The following PLXNA4 variants were observed in gnomAD, a reference collection of about 807,000 sequenced individuals.
PLXNA4 encodes the protein plexin-A4.
Under a neutral mutation model 191.8 loss-of-function variants are expected in PLXNA4, and 44 were observed. The ratio of observed to expected loss-of-function variants is 0.23; its 90% CI spans 0.18 to 0.29. The LOEUF (loss-of-function observed/expected upper bound fraction) is 0.29. Among genes scored for constraint, PLXNA4 ranks in the 10% least tolerant of loss-of-function variants. PLXNA4 has a pLI of 1.00. For missense variants in PLXNA4, 1,800 were observed against 2,488.8 expected (o/e 0.72, Z 5.89); for synonymous variants, 1,082 against 1,009.5 (o/e 1.07, Z -1.36).
intron 3 of PLXNA4, among the ~76,000 whole-genome samples, chr7:132,454,222 C>T (rs1390884244): frequency 1.3e-5 from 2 of 152,180 alleles, no homozygotes; most frequent in Admixed American, 1.3e-4. Context: ...CACAACAGCC[C>T]CATCGTATAG....
intron 24 of PLXNA4, among the ~76,000 whole-genome samples, chr7:132,161,002 G>A (rs139106356): frequency 9.2e-5 from 14 of 152,266 alleles, no homozygotes; most frequent in East Asian, 7.7e-4. Context: ...ATGGTGGAGA[G>A]ACTGCTGCCT....
chr7:132,605,230 C>T lies in PLXNA4; in HGVS notation c.-87+40698G>A, dbSNP rs545652340. On this transcript the variant is annotated intron_variant, in intron 2 of 4. Coordinates refer to the PLXNA4 transcript ENST00000378539. ...GTTAGGAAACGGCAGAGCTAAGATC[C>T]AAATCCATGCGGCGGTGTGCCAAGG... Among the ~76,000 whole-genome samples the T allele has an allele frequency of 1.2e-3, 182 of 152,296 alleles. 1 individual carries two copies. Among genetic ancestry groups the T allele is most frequent in the African/African-American group, 4.2e-3 (173 of 41,574 alleles).
intron 3 of PLXNA4, among the ~76,000 whole-genome samples, chr7:132,410,110 C>T (rs1585098541): frequency 1.3e-5 from 2 of 152,178 alleles, no homozygotes; most frequent in Admixed American, 1.3e-4. Flanking sequence ...TCACACTCTC[C>T]CTCCTGCTTC....
In PLXNA4 at chr7:132,124,097, G is replaced by A. The variant is rs1353799676; in HGVS notation, c.*6382C>T. On this transcript the variant is annotated 3_prime_UTR_variant, in exon 32 of 32. Coordinates refer to ENST00000321063, the MANE Select transcript of PLXNA4 (RefSeq NM_020911.2). Reference sequence around the variant, plus strand: ...CCTGGAGGCCTTGTTCCTGCTCAAAGCAGCCAACACACGACTAAGCAAAGA... The same window carrying A: ...CCTGGAGGCCTTGTTCCTGCTCAAAACAGCCAACACACGACTAAGCAAAGA... 6.6e-6 allele frequency: 1 copy of A among 152,240 alleles called. No individual in the cohort carries two copies. Among genetic ancestry groups the A allele is most frequent in the Non-Finnish European group, 1.5e-5 (1 of 68,058 alleles). 9.4% of individuals were successfully genotyped at this position (152,240 alleles called of 1,614,324 possible). A position where few individuals can be genotyped will look rare whatever the true frequency, so the allele number is the denominator to read the frequency against.
At chr7:132,387,178 G>C (rs1010705660) in intron 3 of PLXNA4, among the ~76,000 whole-genome samples, 12 of 152,170 alleles carry the variant, frequency 7.9e-5, no homozygotes, top group Non-Finnish European at 1.3e-4. Context: ...TGTGGTTCAA[G>C]GACCAAGATC....
intron 8 of PLXNA4, among the ~76,000 whole-genome samples, chr7:132,223,933 A>T (rs1021171627): frequency 1.3e-5 from 2 of 151,922 alleles, no homozygotes; most frequent in African/African-American, 4.8e-5. Flanking sequence ...CAAAAGAGGG[A>T]ATGATAAGGT....
rs1802585815 is a variant in PLXNA4 at position 132,590,397 on chromosome 7, A to G, written c.-87+55531T>C. Among the ~76,000 whole-genome samples, 3 of 152,192 alleles carry G rather than the reference A, an allele frequency of 2.0e-5. No homozygotes were observed. In the South Asian group the frequency reaches 6.2e-4, roughly 31 times the overall value. ...AAGAGGAGTTTATTAAGGAGTATTG[A>G]CTCACACGATCACAAAGTGAAGTGC... On this transcript the variant is annotated intron_variant, in intron 2 of 4. Transcript: ENST00000378539.
chr7:132,220,955 G>A (rs1196027311), intron 9 of PLXNA4, among the ~76,000 whole-genome samples: 3 of 151,354 alleles, frequency 2.0e-5, no homozygotes, highest in Non-Finnish European at 4.4e-5. Context: ...TGGGACTACA[G>A]ACAGGCATCG....
chr7:132,563,656 TTCC>T (rs1247132881), intron 1 of PLXNA4, among the ~76,000 whole-genome samples: 1 of 48,134 alleles, frequency 2.1e-5, no homozygotes, highest in African/African-American at 8.2e-5. Context: ...CCTTCTCCTC[TTCC>T]TCCTCCTTCT....
At chr7:132,633,889 A>G (rs913535089) in intron 2 of PLXNA4, among the ~76,000 whole-genome samples, 4 of 152,044 alleles carry the variant, frequency 2.6e-5, no homozygotes, top group African/African-American at 9.7e-5. Flanking sequence ...CAAGGAATGA[A>G]GTTGAGCTCT....
At chr7:132,529,009 A>G (rs941374938) in intron 1 of PLXNA4, among the ~76,000 whole-genome samples, 1 of 152,254 alleles carries the variant, frequency 6.6e-6, no homozygotes, top group Non-Finnish European at 1.5e-5. Context: ...CCATTCTTTC[A>G]TTAGCTGGAT....
chr7:132,507,718 G>T lies in PLXNA4; in HGVS notation c.976C>A (p.Leu326Ile), dbSNP rs773092394. 1.2e-6 allele frequency: 2 copies of T among 1,614,200 alleles called. No homozygotes were observed. Among genetic ancestry groups the T allele is most frequent in the South Asian group, 2.2e-5 (2 of 91,092 alleles). Residue 326 changes from leucine to isoleucine, a missense_variant, in exon 2 of 32, where the codon CTT becomes ATT. By Grantham distance (5) the Leu-to-Ile change is conservative (BLOSUM62 2). Around this residue, in one of 6 missense-constraint regions of PLXNA4, gnomAD observed 1,397 missense variants for 1,880.4 expected, o/e 0.74. Transcript: ENST00000321063. ...SKAGAVLGRT[L>I]GVHPDDDLLF... is the part of the protein sequence containing the mutation. ...AGGTCATCATCTGGATGGACTCCAA[G>T]GGTCCTGCCAAGCACGGCCCCCGCT...
At chr7:132,426,341 C>T (rs1457278202) in intron 3 of PLXNA4, among the ~76,000 whole-genome samples, 3 of 152,134 alleles carry the variant, frequency 2.0e-5, no homozygotes, top group African/African-American at 2.4e-5. Flanking sequence ...GCTGGGTTGC[C>T]GGGCAGGAGT....
At chr7:132,291,011 A>T (rs1223683536) in intron 4 of PLXNA4, among the ~76,000 whole-genome samples, 1 of 152,188 alleles carries the variant, frequency 6.6e-6, no homozygotes, top group Non-Finnish European at 1.5e-5. Context: ...ACTCCAGGAG[A>T]TCAATACTGT....
chr7:132,310,385 T>C (rs952398991), intron 3 of PLXNA4, among the ~76,000 whole-genome samples: 1 of 152,216 alleles, frequency 6.6e-6, no homozygotes, highest in Non-Finnish European at 1.5e-5. Context: ...CAGCTTCCCC[T>C]AGCAAGGCTC....
chr7:132,379,147 G>A (rs780691932), intron 3 of PLXNA4, among the ~76,000 whole-genome samples: 7 of 152,100 alleles, frequency 4.6e-5, no homozygotes, highest in East Asian at 1.9e-4. Flanking sequence ...AACCGTGCTC[G>A]GCCAGATCTT....
chr7:132,390,031 T>C (rs1330692455), intron 3 of PLXNA4, among the ~76,000 whole-genome samples: 1 of 152,150 alleles, frequency 6.6e-6, no homozygotes, highest in Non-Finnish European at 1.5e-5. Flanking sequence ...GTTCTAGAAC[T>C]AGAAATACCA....
intron 4 of PLXNA4, among the ~76,000 whole-genome samples, chr7:132,274,284 G>A (rs1584932367): frequency 6.6e-6 from 1 of 150,486 alleles, no homozygotes; most frequent in South Asian, 2.1e-4. Flanking sequence ...ATATATATAT[G>A]TATATATTTC....
intron 4 of PLXNA4, among the ~76,000 whole-genome samples, chr7:132,260,218 G>A (rs1157551188): frequency 1.3e-5 from 2 of 152,092 alleles, no homozygotes; most frequent in Non-Finnish European, 2.9e-5. Context: ...TATGTTTATC[G>A]AAGTACTGCT....
Sources: gnomAD v4.1 joint callset for allele counts (sites outside exome capture counted in the v4.1 genomes callset) on GRCh38, gnomAD v4.1.1 for gene constraint, gnomAD v4.1.1 regional missense constraint, MANE v1.5 for transcripts, NCBI Gene and HGNC (gene_info 2026-07-23, HGNC 2026-07-21) for gene names.